ATR: variants seen among roughly 807,000 people sequenced by gnomAD.
ATR encodes the protein serine/threonine-protein kinase ATR.
A neutral mutation model predicts 305.3 loss-of-function variants in ATR; 142 were observed. The ratio of observed to expected loss-of-function variants is 0.47; its 90% CI spans 0.41 to 0.53. The LOEUF (loss-of-function observed/expected upper bound fraction) is 0.53, where lower values mean the gene tolerates loss of function less well. ATR is among the 20% of genes least tolerant of loss of function. The pLI is 0.00. For missense variants in ATR, 2,135 were observed against 3,133.1 expected, an observed-to-expected ratio of 0.68 and a Z score of 7.60; for synonymous variants, 1,050 against 1,068.1, an observed-to-expected ratio of 0.98 and a Z score of 0.33.
chr3:142,527,967 G>T (rs1041110223), intron 21 of ATR, among the ~76,000 whole-genome samples: 1 of 152,136 alleles, frequency 6.6e-6, no homozygotes, highest in Non-Finnish European at 1.5e-5. Context: ...ACCAAAGGTT[G>T]CCAGCAAACC....
rs372748145 is a variant in ATR, at chr3:142,499,911, A to T, written c.5289-193T>A. On this transcript the variant is annotated intron_variant, in intron 30 of 46. Coordinates refer to ENST00000350721, the MANE Select transcript of ATR (RefSeq NM_001184.4). ...ATTTTAATCTTTCCATCCTTCAAAA[A>T]TATTTTTTCACTAATTACTTCTGAT... The T allele has an allele frequency of 3.1e-5, 16 of 516,786 alleles. No homozygotes were observed. The South Asian group carries it at 3.8e-4, about 12-fold the overall frequency. The allele number at this position is 516,786 out of a possible 1,614,324, so 32.0% of individuals were successfully genotyped here. A position where few individuals can be genotyped will look rare whatever the true frequency, so the allele number is the denominator to read the frequency against.
At chr3:142,500,377 G>A (rs1190717391) in intron 30 of ATR, among the ~76,000 whole-genome samples, 2 of 152,152 alleles carry the variant, frequency 1.3e-5, no homozygotes, top group Non-Finnish European at 2.9e-5. Context: ...CTACTTAGGT[G>A]ACATTAGGAT....
At position 142,496,336 on chromosome 3, in the gene ATR, A is replaced by ATATATCTATATATATC. The variant is rs531114901; in HGVS notation, c.5898+24_5898+25insGATATATATAGATATA. The ATATATCTATATATATC allele has an allele frequency of 5.7e-6, 3 of 522,178 alleles. 1 individual carries two copies. Among genetic ancestry groups the ATATATCTATATATATC allele is most frequent in the African/African-American group, 6.9e-5 (2 of 29,194 alleles). The allele number at this position is 522,178 out of a possible 1,614,324, so 32.3% of individuals were successfully genotyped here. ...TATATATATATATATATATATATAT[A>ATATATCTATATATATC]TGATGACATTTCCCTGGCCATTACC... On this transcript the variant is annotated intron_variant, in intron 34 of 46. Transcript: ENST00000350721.
intron 21 of ATR, among the ~76,000 whole-genome samples, chr3:142,527,352 C>T (rs969951589): frequency 6.6e-6 from 1 of 152,086 alleles, no homozygotes; most frequent in East Asian, 1.9e-4. Flanking sequence ...CTGGTGCTTT[C>T]CTATGGATGA....
At chr3:142,451,750 A>C (rs2070795493) in intron 46 of ATR, 2 of 1,151,596 alleles carry the variant, frequency 1.7e-6, no homozygotes, top group South Asian at 1.9e-5. Context: ...CAGCTAATTA[A>C]AAAAAAACAA....
intron 19 of ATR, among the ~76,000 whole-genome samples, chr3:142,536,881 TGAA>T (rs1207086306): frequency 6.6e-6 from 1 of 152,204 alleles, no homozygotes; most frequent in African/African-American, 2.4e-5. Context: ...CAAATTATCA[TGAA>T]GAATTATAGA....
In ATR at chr3:142,508,071, G is replaced by C; in HGVS notation, c.4891C>G (p.Arg1631Gly). 6.2e-7 allele frequency: 1 copy of C among 1,612,680 alleles called. No homozygotes were observed. Among genetic ancestry groups the C allele is most frequent in the African/African-American group, 1.3e-5 (1 of 74,634 alleles). ...VDYEDYQSVT[R>G]FLDLIPQDTL... is the part of the protein sequence containing the mutation. ...TCCTGGGGTATGAGGTCTAGAAAAC[G>C]GGTTACACTCTGATAGTCTTCATAA... is the stretch of plus-strand genomic sequence containing the variant. The change falls in exon 28 of 47, where the codon CGT (arginine) becomes GGT (glycine). Residue 1631 changes from arginine (R) to glycine (G), a missense_variant. Physicochemically the swap from Arg to Gly is moderately radical, Grantham distance 125 (BLOSUM62 -2). This residue lies in a region of ATR where 202 missense variants were observed against 252.9 expected (regional missense o/e 0.80). Transcript: ENST00000350721.
At chr3:142,503,983 G>A (rs370861374) in intron 29 of ATR, among the ~76,000 whole-genome samples, 6 of 151,948 alleles carry the variant, frequency 3.9e-5, no homozygotes, top group African/African-American at 1.2e-4. Context: ...TATGGATTTC[G>A]GGCTTTAGCA....
At chr3:142,500,723 T>C (rs931502214) in intron 30 of ATR, among the ~76,000 whole-genome samples, 1 of 152,158 alleles carries the variant, frequency 6.6e-6, no homozygotes, top group Non-Finnish European at 1.5e-5. Flanking sequence ...TCTAAATTTA[T>C]GACCACCACC....
Position 142,514,713 on chromosome 3 carries a change from G to A in ATR, c.4503+682C>T, listed in dbSNP as rs562855047. ...TCCCAGCTACTCAGGAGGCTGAGGC[G>A]GGAGAATCACTTGAACCCGGTAGGC... On this transcript the variant is annotated intron_variant, in intron 25 of 46. Coordinates refer to ENST00000350721, the MANE Select transcript of ATR (RefSeq NM_001184.4). Among the ~76,000 whole-genome samples, 30 of 149,972 alleles carry A rather than the reference G, an allele frequency of 2.0e-4. No individual in the cohort carries two copies. In the East Asian group the frequency reaches 5.9e-3, roughly 29 times the overall value.
intron 13 of ATR, among the ~76,000 whole-genome samples, chr3:142,552,565 G>T (rs1448710290): frequency 6.6e-6 from 1 of 151,178 alleles, no homozygotes; most frequent in Non-Finnish European, 1.5e-5. Context: ...AGTTACTTGG[G>T]AGGCTGAGGC....
At chr3:142,530,112 T>A (rs1347861555) in intron 21 of ATR, among the ~76,000 whole-genome samples, 1 of 152,132 alleles carries the variant, frequency 6.6e-6, no homozygotes, top group African/African-American at 2.4e-5. Context: ...TTTTACTCCT[T>A]TATCTATTTT....
intron 26 of ATR, 79 bp downstream of exon 26, chr3:142,513,422 G>C (rs947555280): frequency 2.0e-6 from 3 of 1,518,300 alleles, no homozygotes; most frequent in Middle Eastern, 2.2e-4. Context: ...CCTACTAATA[G>C]GTAGCCTTTC....
chr3:142,489,200 G>A (rs924699044), intron 35 of ATR, among the ~76,000 whole-genome samples: 4 of 152,084 alleles, frequency 2.6e-5, no homozygotes, highest in African/African-American at 9.7e-5. Context: ...TGGGTGTGGT[G>A]GCATGTGCCT....
intron 45 of ATR, among the ~76,000 whole-genome samples, chr3:142,453,523 A>C (rs1447174685): frequency 1.3e-5 from 2 of 152,180 alleles, no homozygotes; most frequent in African/African-American, 2.4e-5. Context: ...GTAAATGACT[A>C]TATTTTGAAT....
At chr3:142,479,073 T>C (rs923160808) in intron 36 of ATR, among the ~76,000 whole-genome samples, 43 of 152,172 alleles carry the variant, frequency 2.8e-4, no homozygotes, top group African/African-American at 1.0e-3. Context: ...AACTGGAGCA[T>C]TTAGCCCATT....
chr3:142,472,622 T>A (rs1461243103), intron 36 of ATR, among the ~76,000 whole-genome samples: 1 of 152,072 alleles, frequency 6.6e-6, no homozygotes, highest in African/African-American at 2.4e-5. Context: ...TTGGGTAATT[T>A]GTTTCCTTTT....
chr3:142,524,234 T>A (rs1250914437), intron 21 of ATR, 35 bp from the exon 22 acceptor site: 6 of 1,545,028 alleles, frequency 3.9e-6, no homozygotes, highest in Non-Finnish European at 5.3e-6. Context: ...TTATACGTAA[T>A]TTCTACAAAC....
At chr3:142,485,820 C>G (rs2030884824) in intron 35 of ATR, among the ~76,000 whole-genome samples, 1 of 152,192 alleles carries the variant, frequency 6.6e-6, no homozygotes, top group Non-Finnish European at 1.5e-5. Flanking sequence ...CAGAAGCAGG[C>G]TTCTAAAAAG....
Sources: allele counts gnomAD v4.1 joint callset (sites outside exome capture counted in the v4.1 genomes callset), GRCh38; gene constraint gnomAD v4.1.1; regional missense constraint gnomAD v4.1.1; transcripts MANE v1.5; gene names NCBI Gene and HGNC (gene_info 2026-07-23, HGNC 2026-07-21).